Variants in CNTN5 observed in about 807,000 individuals in gnomAD.
CNTN5 encodes contactin 5.
CNTN5 carries 77 observed loss-of-function variants against 129.1 expected under a neutral mutation model. That is an observed-to-expected ratio of 0.60 (90% CI 0.50 to 0.72). The LOEUF (loss-of-function observed/expected upper bound fraction) is 0.72. Ranked by LOEUF, CNTN5 falls within the 30% of genes least tolerant of loss-of-function variation. The pLI, the probability that CNTN5 is intolerant of heterozygous loss-of-function variation, is 0.00. For missense variants in CNTN5, 1,478 were observed against 1,328.8 expected (o/e 1.11, Z -1.75); for synonymous variants, 509 against 465.6 (o/e 1.09, Z -1.20).
At chr11:99,523,038 CATT>C (rs1319501927) in intron 2 of CNTN5, among the ~76,000 whole-genome samples, 1 of 152,186 alleles carries the variant, frequency 6.6e-6, no homozygotes, top group Non-Finnish European at 1.5e-5. Flanking sequence ...TATTATTTCA[CATT>C]ATGTTCCAGC....
rs557921435 is a variant in CNTN5, at chr11:100,286,216, C to A, written c.2315-11409C>A. Among the ~76,000 whole-genome samples the A allele has an allele frequency of 2.6e-5, 4 of 152,346 alleles. No homozygotes were observed. In the South Asian group the frequency reaches 8.3e-4, roughly 32 times the overall value. On this transcript the variant is annotated intron_variant, in intron 18 of 24. Coordinates refer to ENST00000524871, the MANE Select transcript of CNTN5 (RefSeq NM_014361.4). ...CATTGCCCAGGCTTGCTTAGGTAAA[C>A]AAAGCAGCAGGGAAGCTCCAACTGG...
At chr11:100,322,347 C>T (rs966433229) in intron 21 of CNTN5, among the ~76,000 whole-genome samples, 1 of 151,928 alleles carries the variant, frequency 6.6e-6, no homozygotes, top group Non-Finnish European at 1.5e-5. Flanking sequence ...CTCAGCCTCC[C>T]GAATAGCTGG....
chr11:99,272,259 T>A (rs1422188260), intron 1 of CNTN5, among the ~76,000 whole-genome samples: 3 of 151,794 alleles, frequency 2.0e-5, no homozygotes, highest in African/African-American at 7.2e-5. Flanking sequence ...CCTGTACTTG[T>A]GTTTTTATAT....
chr11:99,957,076 G>GTT, intron 8 of CNTN5, 67 bp downstream of exon 8: 1 of 1,343,736 alleles, frequency 7.4e-7, no homozygotes. Context: ...GTATTAGTGT[G>GTT]TGTTTTTTTT....
chr11:99,098,817 G>A (rs1202934338), intron 1 of CNTN5, among the ~76,000 whole-genome samples: 2 of 152,022 alleles, frequency 1.3e-5, no homozygotes, highest in Non-Finnish European at 2.9e-5. Context: ...TTCCACAAGA[G>A]ATACTAATGG....
chr11:99,504,529 C>CAAAAAA (rs754621021), intron 2 of CNTN5, among the ~76,000 whole-genome samples: 7 of 90,176 alleles, frequency 7.8e-5, no homozygotes, highest in Non-Finnish European at 9.1e-5. Flanking sequence ...GACTCCGTCT[C>CAAAAAA]AAAAAAAAAA....
At chr11:99,316,833 A>G (rs1269527704) in intron 1 of CNTN5, among the ~76,000 whole-genome samples, 1 of 152,110 alleles carries the variant, frequency 6.6e-6, no homozygotes, top group Non-Finnish European at 1.5e-5. Context: ...ACAGAAGTCC[A>G]GCTCCGAGCC....
chr11:100,318,626 G>A (rs919048961), intron 21 of CNTN5, among the ~76,000 whole-genome samples: 5 of 152,026 alleles, frequency 3.3e-5, no homozygotes, highest in African/African-American at 4.8e-5. Context: ...AATTTTCTGA[G>A]AACAGCCCAT....
intron 3 of CNTN5, among the ~76,000 whole-genome samples, chr11:99,656,475 T>C (rs1494477): frequency 0.16 from 24,062 of 152,158 alleles, 2,493 homozygotes; most frequent in East Asian, 0.39. Context: ...GAAAGCTAAA[T>C]GCCTGCCCTT....
chr11:100,174,954 C>A (rs1293504384), intron 13 of CNTN5, among the ~76,000 whole-genome samples: 1 of 152,102 alleles, frequency 6.6e-6, no homozygotes, highest in Admixed American at 6.6e-5. Flanking sequence ...AGAAGAAAGA[C>A]CATGGTGACA....
chr11:99,599,270 T>C (rs2135699248), intron 3 of CNTN5, among the ~76,000 whole-genome samples: 1 of 152,200 alleles, frequency 6.6e-6, no homozygotes, highest in Non-Finnish European at 1.5e-5. Context: ...CCCTTTTAAG[T>C]TGTTTTTTTG....
chr11:99,366,271 C>A (rs1002085949), intron 2 of CNTN5, among the ~76,000 whole-genome samples: 1 of 135,802 alleles, frequency 7.4e-6, no homozygotes, highest in South Asian at 2.3e-4. Flanking sequence ...ATGTGGTTAA[C>A]GATTTTGCTA....
chr11:99,398,255 C>G (rs1418440470), intron 2 of CNTN5, among the ~76,000 whole-genome samples: 1 of 151,790 alleles, frequency 6.6e-6, no homozygotes, highest in African/African-American at 2.4e-5. Flanking sequence ...TCCTTTCTTT[C>G]AAAAGTGACT....
intron 13 of CNTN5, among the ~76,000 whole-genome samples, chr11:100,171,777 T>G (rs1433589284): frequency 6.6e-6 from 1 of 152,010 alleles, no homozygotes; most frequent in East Asian, 1.9e-4. Context: ...AGCCGAATAC[T>G]TCCAGGGGAA....
At chr11:99,220,743 AT>A (rs1396960279) in intron 1 of CNTN5, among the ~76,000 whole-genome samples, 1 of 152,000 alleles carries the variant, frequency 6.6e-6, no homozygotes, top group Non-Finnish European at 1.5e-5. Flanking sequence ...GGCCAGATTA[AT>A]GCTTTGGAGA....
chr11:99,452,990 AG>A (rs1944365278), intron 2 of CNTN5, among the ~76,000 whole-genome samples: 1 of 152,226 alleles, frequency 6.6e-6, no homozygotes, highest in Admixed American at 6.5e-5. Flanking sequence ...AATGTAAAAA[AG>A]CTAAGAAGTG....
At chr11:100,222,667 G>C (rs1293951978) in intron 15 of CNTN5, among the ~76,000 whole-genome samples, 1 of 151,056 alleles carries the variant, frequency 6.6e-6, no homozygotes, top group Non-Finnish European at 1.5e-5. Flanking sequence ...AAAAAAAAAA[G>C]CCACAAAACA....
At chr11:99,149,766 AT>A (rs528171345) in intron 1 of CNTN5, among the ~76,000 whole-genome samples, 151 of 151,604 alleles carry the variant, frequency 1.0e-3, no homozygotes, top group South Asian at 8.3e-4. Flanking sequence ...TAAAGTCTCA[AT>A]TTTTTTTTAA....
chr11:100,009,471 GATTA>G (rs540528056), intron 9 of CNTN5, among the ~76,000 whole-genome samples: 1 of 151,990 alleles, frequency 6.6e-6, no homozygotes, highest in Non-Finnish European at 1.5e-5. Context: ...AATGGAGGGG[GATTA>G]ATTAGTTGGA....
Sources: allele counts gnomAD v4.1 joint callset (sites outside exome capture counted in the v4.1 genomes callset), GRCh38; gene constraint gnomAD v4.1.1; transcripts MANE v1.5; gene names NCBI Gene and HGNC (gene_info 2026-07-23, HGNC 2026-07-21).